Variants in DUSP8 observed in about 807,000 individuals in gnomAD.
The protein encoded by DUSP8 is dual specificity phosphatase 8.
DUSP8 carries 15 observed loss-of-function variants against 38.7 expected under a neutral mutation model. The observed-to-expected ratio is 0.39, with a 90% confidence interval of 0.26 to 0.60. The LOEUF is 0.60. Among genes scored for constraint, DUSP8 ranks in the 20% least tolerant of loss-of-function variants. The pLI is 0.56. For missense variants in DUSP8, 768 were observed against 915.0 expected (o/e 0.84, Z 2.07); for synonymous variants, 458 against 433.9 (o/e 1.06, Z -0.69).
At chr11:1,566,626 C>T (rs961625588) in intron 1 of DUSP8, among the ~76,000 whole-genome samples, 9 of 152,122 alleles carry the variant, frequency 5.9e-5, no homozygotes, top group African/African-American at 9.7e-5. Flanking sequence ...GTGTGCGCCA[C>T]GTGCCTGCTG....
At chr11:1,564,300 T>C (rs1848768106) in intron 2 of DUSP8, among the ~76,000 whole-genome samples, 1 of 152,138 alleles carries the variant, frequency 6.6e-6, no homozygotes, top group Admixed American at 6.5e-5. Context: ...GCCAGGCCTG[T>C]GTGGAGGAGA....
chr11:1,561,095 C>T lies in DUSP8; in HGVS notation c.371-2040G>A, dbSNP rs375341022. On this transcript the variant is annotated intron_variant, in intron 3 of 6. Coordinates refer to ENST00000397374, the MANE Select transcript of DUSP8 (RefSeq NM_004420.3). ...CGAGGCTCCAGGGATTTCAGAACCA[C>T]CCAGGCTCTGGGGGTGAGTGATAAG... 3.6e-3 allele frequency among the ~76,000 whole-genome samples: 546 copies of T among 152,264 alleles called. 5 individuals are homozygous for T. The highest frequency in any genetic ancestry group is 8.1e-3 in the Admixed American group (124 of 15,296).
At position 1,558,745 on chromosome 11, in the gene DUSP8, C is replaced by A; in HGVS notation, c.537+144G>T. On this transcript the variant is annotated intron_variant, in intron 4 of 6. Coordinates refer to ENST00000397374, the MANE Select transcript of DUSP8 (RefSeq NM_004420.3). The surrounding 1 kb of genome is among the most constrained non-coding windows in gnomAD (Gnocchi z 6.3). ...GTGGGGAGCCTGGGGTCCTCCTGGG[C>A]CCCCACCCATGCTTCTCCCACACCC... The A allele has an allele frequency of 3.0e-6, 3 of 1,013,756 alleles. No homozygotes were observed. Among genetic ancestry groups the A allele is most frequent in the Non-Finnish European group, 4.3e-6 (3 of 704,380 alleles). The allele number at this position is 1,013,756 out of a possible 1,614,324, so 62.8% of individuals were successfully genotyped here.
chr11:1,570,811 G>A (rs538856773), intron 1 of DUSP8, among the ~76,000 whole-genome samples: 1 of 152,228 alleles, frequency 6.6e-6, no homozygotes, highest in African/African-American at 2.4e-5. Context: ...CCCCTGGACC[G>A]CCCTAGGTGC....
chr11:1,561,107 G>A (rs1022969377), intron 3 of DUSP8, among the ~76,000 whole-genome samples: 4 of 152,244 alleles, frequency 2.6e-5, no homozygotes, highest in Admixed American at 6.5e-5. Context: ...CAGGCTCTGG[G>A]GGTGAGTGAT....
At position 1,557,631 on chromosome 11, in the gene DUSP8, C is replaced by T. The variant is rs558316726; in HGVS notation, c.822-57G>A. On this transcript the variant is annotated intron_variant, in intron 6 of 6. Coordinates refer to ENST00000397374, the MANE Select transcript of DUSP8 (RefSeq NM_004420.3). This position sits in a 1 kb window ranked among gnomAD's most constrained non-coding sequence, Gnocchi z 9.9. ...CGCCGGGGCCAGGCTGCCCACCTGA[C>T]GCACCCGCTGGGCACCCACGAGCTC... 594 of 1,502,520 alleles carry T rather than the reference C, an allele frequency of 4.0e-4. 1 individual carries two copies. The African/African-American group carries it at 6.8e-3, about 17-fold the overall frequency. The allele number at this position is 1,502,520 out of a possible 1,614,324, so 93.1% of individuals were successfully genotyped here.
In DUSP8 at chr11:1,554,902, G is replaced by A. The variant is rs754354745; in HGVS notation, c.*1616C>T. The A allele has an allele frequency of 5.6e-5, 55 of 981,076 alleles. No individual in the cohort carries two copies. The highest frequency in any genetic ancestry group is 6.7e-5 in the Non-Finnish European group (55 of 825,842). The allele number at this position is 981,076 out of a possible 1,614,324, so 60.8% of individuals were successfully genotyped here. ...GGGAACAGGAGTGGGTGGGGACAGA[G>A]GGAACGGGAACAGGACTTTTGCTGA... On this transcript the variant is annotated 3_prime_UTR_variant, in exon 7 of 7. Coordinates refer to ENST00000397374, the MANE Select transcript of DUSP8 (RefSeq NM_004420.3).
Position 1,555,289 on chromosome 11 carries a change from G to A in DUSP8, c.*1229C>T. ...GGGTGAATGGGAGTTTCTCTCCTGA[G>A]CGGCCCCATGGGGGTGGGGGCAAAC... On this transcript the variant is annotated 3_prime_UTR_variant, in exon 7 of 7. Coordinates refer to ENST00000397374, the MANE Select transcript of DUSP8 (RefSeq NM_004420.3). 8.1e-6 allele frequency: 8 copies of A among 987,872 alleles called. No individual in the cohort carries two copies. The highest frequency in any genetic ancestry group is 9.6e-6 in the Non-Finnish European group (8 of 830,206). 61.2% of individuals were successfully genotyped at this position (987,872 alleles called of 1,614,324 possible).
chr11:1,565,491 G>A (rs1848787100), intron 2 of DUSP8, 105 bp downstream of exon 2: 12 of 901,860 alleles, frequency 1.3e-5, no homozygotes, highest in Admixed American at 2.3e-5. Flanking sequence ...CCAAGGAGTC[G>A]AGTTTGGACT....
chr11:1,561,207 A>G (rs1212613076), intron 3 of DUSP8, among the ~76,000 whole-genome samples: 1 of 151,974 alleles, frequency 6.6e-6, no homozygotes, highest in Non-Finnish European at 1.5e-5. Context: ...AGGCATCTCC[A>G]AAGGCGCCTT....
intron 3 of DUSP8, among the ~76,000 whole-genome samples, chr11:1,562,672 CACAT>C (rs1206492725): frequency 6.8e-5 from 10 of 146,704 alleles, no homozygotes; most frequent in African/African-American, 2.6e-4. Context: ...TACATGCACA[CACAT>C]ACATGCATGC....
chr11:1,556,584 C>A lies in DUSP8; in HGVS notation c.1812G>T (p.Glu604Asp). The change falls in exon 7 of 7, where the codon GAG (glutamate) becomes GAT (aspartate). Residue 604 changes from glutamate to aspartate, a missense_variant. This residue lies in a region of DUSP8 where 42 missense variants were observed against 73.7 expected (regional missense o/e 0.57). Coordinates refer to ENST00000397374, the MANE Select transcript of DUSP8 (RefSeq NM_004420.3). The surrounding 1 kb of genome is among the most constrained non-coding windows in gnomAD (Gnocchi z 5.2). The stretch of plus-strand genomic sequence containing the variant: ...CCTGCTTGCCCAGGGCGGCCAGCTC[C>A]TCGCCGCGCGCGCGCCCCTCCACCA... Reference protein sequence around the residue: ...EGMVEGRARGEELAALGKQAS... With the variant: ...EGMVEGRARGDELAALGKQAS... 7.0e-7 allele frequency: 1 copy of A among 1,435,270 alleles called. No homozygotes were observed. The highest frequency in any genetic ancestry group is 1.4e-5 in the South Asian group (1 of 71,134). The allele number at this position is 1,435,270 out of a possible 1,614,324, so 88.9% of individuals were successfully genotyped here.
In DUSP8 at chr11:1,572,072, A is replaced by G. The variant is rs1319417015; in HGVS notation, c.-280T>C. Among the ~76,000 whole-genome samples, 1 of 144,288 alleles carries G rather than the reference A, an allele frequency of 6.9e-6. No homozygotes were observed. Among genetic ancestry groups the G allele is most frequent in the Non-Finnish European group, 1.5e-5 (1 of 65,382 alleles). The allele number at this position is 144,288 out of a possible 152,430, so 94.7% of individuals were successfully genotyped here. On this transcript the variant is annotated 5_prime_UTR_variant, in exon 1 of 7. Transcript: ENST00000397374. This position sits in a 1 kb window ranked among gnomAD's most constrained non-coding sequence, Gnocchi z 4.7. ...CGTCGCCGCCGCCAACGCCGCGGGG[A>G]GCGCTCGCTCGGGCCGGGGCGCGCG...
In DUSP8 at chr11:1,558,810, C is replaced by T; in HGVS notation, c.537+79G>A. The T allele has an allele frequency of 6.7e-7, 1 of 1,501,612 alleles. No individual in the cohort carries two copies. Among genetic ancestry groups the T allele is most frequent in the South Asian group, 1.3e-5 (1 of 77,600 alleles). The allele number at this position is 1,501,612 out of a possible 1,614,324, so 93.0% of individuals were successfully genotyped here. A position where few individuals can be genotyped will look rare whatever the true frequency, so the allele number is the denominator to read the frequency against. ...CTTCAGCTCCTTTCCTCCCTCATCCCCCGCTCCGCTGCCAAGCTGCTTCTG... is the reference window on the plus strand; with the variant it reads ...CTTCAGCTCCTTTCCTCCCTCATCCTCCGCTCCGCTGCCAAGCTGCTTCTG... On this transcript the variant is annotated intron_variant, in intron 4 of 6. Coordinates refer to ENST00000397374, the MANE Select transcript of DUSP8 (RefSeq NM_004420.3). The surrounding 1 kb of genome is among the most constrained non-coding windows in gnomAD (Gnocchi z 6.3).
chr11:1,557,068 G>T lies in DUSP8; in HGVS notation c.1328C>A (p.Pro443Gln). 8.2e-7 allele frequency: 1 copy of T among 1,223,782 alleles called. No individual in the cohort carries two copies. The highest frequency in any genetic ancestry group is 1.0e-6 in the Non-Finnish European group (1 of 980,616). 75.8% of individuals were successfully genotyped at this position (1,223,782 alleles called of 1,614,324 possible). Residue 443 changes from proline to glutamine, a missense_variant, in exon 7 of 7, where the codon CCG (proline) becomes CAG (glutamine). This residue lies in a region of DUSP8 where 474 missense variants were observed against 430.8 expected (regional missense o/e 1.10). Coordinates refer to ENST00000397374, the MANE Select transcript of DUSP8 (RefSeq NM_004420.3). This position sits in a 1 kb window ranked among gnomAD's most constrained non-coding sequence, Gnocchi z 9.9. ...LGLSSPSPDS[P>Q]DAAPEARPRP... Reference sequence around the variant, plus strand: ...TGGGCGCGCCTCAGGCGCGGCGTCCGGGCTGTCCGGGCTGGGCGAGGACAG... The same window carrying T: ...TGGGCGCGCCTCAGGCGCGGCGTCCTGGCTGTCCGGGCTGGGCGAGGACAG...
chr11:1,559,638 T>G (rs866427570), intron 3 of DUSP8, among the ~76,000 whole-genome samples: 47 of 152,150 alleles, frequency 3.1e-4, no homozygotes, highest in African/African-American at 1.1e-3. Flanking sequence ...AGGCATGACA[T>G]CACCCTGGCA....
Position 1,554,907 on chromosome 11 carries a change from C to T in DUSP8, c.*1611G>A, listed in dbSNP as rs11604635. 529,487 of 982,888 alleles carry T rather than the reference C, an allele frequency of 0.54. 143,459 individuals are homozygous for T. The highest frequency in any genetic ancestry group is 0.54 in the Non-Finnish European group (450,238 of 827,520). 60.9% of individuals were successfully genotyped at this position (982,888 alleles called of 1,614,324 possible). A position where few individuals can be genotyped will look rare whatever the true frequency, so the allele number is the denominator to read the frequency against. ...CAGGAGTGGGTGGGGACAGAGGGAACGGGAACAGGACTTTTGCTGAAAGGA... is the reference window on the plus strand; with the variant it reads ...CAGGAGTGGGTGGGGACAGAGGGAATGGGAACAGGACTTTTGCTGAAAGGA... On this transcript the variant is annotated 3_prime_UTR_variant, in exon 7 of 7. Coordinates refer to ENST00000397374, the MANE Select transcript of DUSP8 (RefSeq NM_004420.3).
intron 3 of DUSP8, among the ~76,000 whole-genome samples, chr11:1,562,133 T>C (rs1848726106): frequency 6.6e-6 from 1 of 152,008 alleles, no homozygotes. Context: ...CCCATACTCA[T>C]CCACGCCCAC....
At chr11:1,569,365 C>G (rs1016274789) in intron 1 of DUSP8, among the ~76,000 whole-genome samples, 1 of 152,178 alleles carries the variant, frequency 6.6e-6, no homozygotes, top group Admixed American at 6.5e-5. Flanking sequence ...TGCGTGCACA[C>G]TGCCCTCTGT....
Sources: allele counts gnomAD v4.1 joint callset (sites outside exome capture counted in the v4.1 genomes callset), GRCh38; gene constraint gnomAD v4.1.1; regional missense constraint gnomAD v4.1.1; non-coding constraint Gnocchi (gnomAD v3.1); transcripts MANE v1.5; gene names NCBI Gene and HGNC (gene_info 2026-07-23, HGNC 2026-07-21).